ERP29: variants seen among roughly 807,000 people sequenced by gnomAD.
ERP29 encodes endoplasmic reticulum resident protein 29.
In ERP29, 14 loss-of-function variants were observed where a neutral mutation model predicts 21.7. The observed-to-expected ratio is 0.64, with a 90% CI of 0.43 to 1.01. The LOEUF is 1.01. Ranked by LOEUF, ERP29 falls within the 50% of genes least tolerant of loss-of-function variation. The pLI, the probability that ERP29 is intolerant of heterozygous loss-of-function variation, is 0.00. For synonymous variants in ERP29, 129 were observed against 139.1 expected (o/e 0.93, Z 0.51); for missense variants, 286 against 327.3 (o/e 0.87, Z 0.97).
At chr12:112,017,727 G>T (rs1180688542) in intron 1 of ERP29, among the ~76,000 whole-genome samples, 8 of 151,448 alleles carry the variant, frequency 5.3e-5, no homozygotes, top group Non-Finnish European at 8.8e-5. Flanking sequence ...AAACCAAGAG[G>T]ACATCAGTAC....
chr12:112,015,995 T>TAAATC (rs2078009687), intron 1 of ERP29, among the ~76,000 whole-genome samples: 1 of 152,060 alleles, frequency 6.6e-6, no homozygotes, highest in Non-Finnish European at 1.5e-5. Flanking sequence ...TTCCTTGATT[T>TAAATC]ATCTTCCCCC....
At chr12:112,019,418 CAG>C (rs769651527) in intron 1 of ERP29, 10 of 347,582 alleles carry the variant, frequency 2.9e-5, no homozygotes, top group Admixed American at 1.2e-4. Flanking sequence ...ATGAGCATGA[CAG>C]GGGCTGATGT....
At chr12:112,021,327 G>A (rs1326878936) in intron 2 of ERP29, among the ~76,000 whole-genome samples, 1 of 152,094 alleles carries the variant, frequency 6.6e-6, no homozygotes, top group African/African-American at 2.4e-5. Flanking sequence ...CACGTAGCTT[G>A]CTCCAGGACA....
chr12:112,018,324 T>C (rs546115635), intron 1 of ERP29, among the ~76,000 whole-genome samples: 1 of 151,876 alleles, frequency 6.6e-6, no homozygotes, highest in Admixed American at 6.6e-5. Context: ...TAATTTTTTT[T>C]TTTTAAGCCA....
intron 1 of ERP29, among the ~76,000 whole-genome samples, chr12:112,014,166 G>GTA (rs2077976037): frequency 6.6e-6 from 1 of 152,220 alleles, no homozygotes; most frequent in Admixed American, 6.5e-5. Flanking sequence ...CAGCCACCCT[G>GTA]TAAAGCAGGG....
chr12:112,013,426 A>T lies in ERP29; in HGVS notation c.-40A>T. 1 of 1,583,930 alleles carries T rather than the reference A, an allele frequency of 6.3e-7. No homozygotes were observed. Among genetic ancestry groups the T allele is most frequent in the East Asian group, 2.3e-5 (1 of 44,218 alleles). Reference sequence around the variant, plus strand: ...TGACCGCTGACTCGGGGCGTTCTCCACTATCGCTTACCTACCTCCCTCTGC... The same window carrying T: ...TGACCGCTGACTCGGGGCGTTCTCCTCTATCGCTTACCTACCTCCCTCTGC... On this transcript the variant is annotated 5_prime_UTR_variant, in exon 1 of 3. Transcript: ENST00000261735.
intron 1 of ERP29, among the ~76,000 whole-genome samples, chr12:112,017,493 C>G (rs2078018548): frequency 6.6e-6 from 1 of 152,152 alleles, no homozygotes; most frequent in South Asian, 2.1e-4. Flanking sequence ...AAAGGACATT[C>G]CAGCCAGCAG....
intron 1 of ERP29, among the ~76,000 whole-genome samples, chr12:112,015,850 T>A (rs1195712221): frequency 1.3e-5 from 2 of 152,244 alleles, no homozygotes; most frequent in Non-Finnish European, 1.5e-5. Flanking sequence ...TGAATATTCC[T>A]TGCTCTTTAC....
chr12:112,019,737 C>G lies in ERP29; in HGVS notation c.145-19C>G. 2 of 1,614,074 alleles carry G rather than the reference C, an allele frequency of 1.2e-6. No homozygotes were observed. The highest frequency in any genetic ancestry group is 2.2e-5 in the South Asian group (2 of 91,082). ...AAAGTCCCTGGAACACCCACTTGCT[C>G]AGCTCTATACGCCCTCAGGTCATTC... On this transcript the variant is annotated intron_variant, in intron 1 of 2. Transcript: ENST00000261735.
At chr12:112,018,395 C>T (rs1449718039) in intron 1 of ERP29, among the ~76,000 whole-genome samples, 2 of 152,028 alleles carry the variant, frequency 1.3e-5, no homozygotes, top group African/African-American at 2.4e-5. Context: ...ACTTCAGCCC[C>T]GCAAAGTGTT....
In ERP29 at chr12:112,021,375, C is replaced by A. The variant is rs541004446; in HGVS notation, c.284-775C>A. Among the ~76,000 whole-genome samples, 36 of 152,318 alleles carry A rather than the reference C, an allele frequency of 2.4e-4. No homozygotes were observed. In the South Asian group the frequency reaches 6.8e-3, roughly 29 times the overall value. On this transcript the variant is annotated intron_variant, in intron 2 of 2. Coordinates refer to ENST00000261735, the MANE Select transcript of ERP29 (RefSeq NM_006817.4). ...AGCTGATGTCACCTTCACAGGGAGGCCTGCCTTGACCACCTGAAGTGGGCT... is the reference window on the plus strand; with the variant it reads ...AGCTGATGTCACCTTCACAGGGAGGACTGCCTTGACCACCTGAAGTGGGCT...
intron 1 of ERP29, chr12:112,018,719 T>C (rs888314892): frequency 6.6e-6 from 1 of 152,232 alleles, no homozygotes; most frequent in Non-Finnish European, 1.5e-5. Context: ...TGAATGTTCA[T>C]AGCAGCACTA....
At chr12:112,022,077 G>C (rs1047471300) in intron 2 of ERP29, 73 bp from the exon 3 acceptor site, 2 of 1,502,264 alleles carry the variant, frequency 1.3e-6, no homozygotes, top group African/African-American at 1.4e-5. Context: ...CCTCAGTTCA[G>C]CTAGGTCCCA....
chr12:112,016,704 C>T (rs781619798), intron 1 of ERP29, among the ~76,000 whole-genome samples: 25 of 152,126 alleles, frequency 1.6e-4, no homozygotes, highest in Non-Finnish European at 3.1e-4. Flanking sequence ...TCCTGGCTAA[C>T]ACGGTGAAAC....
chr12:112,018,064 C>T (rs746437783), intron 1 of ERP29, among the ~76,000 whole-genome samples: 44 of 152,082 alleles, frequency 2.9e-4, no homozygotes, highest in Admixed American at 1.6e-3. Context: ...GGATTACAGG[C>T]ATGAACCACT....
chr12:112,016,442 T>C (rs1188370201), intron 1 of ERP29, among the ~76,000 whole-genome samples: 1 of 152,238 alleles, frequency 6.6e-6, no homozygotes, highest in East Asian at 1.9e-4. Context: ...TCACTTAGTA[T>C]GGTGCCTGGC....
At chr12:112,021,389 C>G (rs1471090340) in intron 2 of ERP29, among the ~76,000 whole-genome samples, 2 of 152,174 alleles carry the variant, frequency 1.3e-5, no homozygotes, top group African/African-American at 4.8e-5. Context: ...CCTTGACCAC[C>G]TGAAGTGGGC....
At position 112,022,581 on chromosome 12, in the gene ERP29, G is replaced by A. The variant is rs763003414; in HGVS notation, c.715G>A (p.Glu239Lys). ...EKNKMSDGKK[E>K]ELQKSLNILT... ...GAACAAGATGAGTGACGGGAAGAAG[G>A]AGGAGCTCCAGAAGAGCTTAAACAT... is the stretch of plus-strand genomic sequence containing the variant. Residue 239 changes from glutamate to lysine, a missense_variant, in exon 3 of 3, where the codon GAG (glutamate) becomes AAG (lysine). Coordinates refer to ENST00000261735, the MANE Select transcript of ERP29 (RefSeq NM_006817.4). 6.2e-7 allele frequency: 1 copy of A among 1,614,168 alleles called. No individual in the cohort carries two copies. The highest frequency in any genetic ancestry group is 1.1e-5 in the South Asian group (1 of 91,084).
intron 2 of ERP29, among the ~76,000 whole-genome samples, chr12:112,021,513 G>GTTTTTTTTTT (rs1565989409): frequency 9.9e-6 from 1 of 100,638 alleles, no homozygotes. Context: ...GAGCTTAATA[G>GTTTTTTTTTT]TCTTTTTTTT....
Sources: allele counts gnomAD v4.1 joint callset (sites outside exome capture counted in the v4.1 genomes callset), GRCh38; gene constraint gnomAD v4.1.1; transcripts MANE v1.5; gene names NCBI Gene and HGNC (gene_info 2026-07-23, HGNC 2026-07-21).